The following KCNMB2 variants were observed in gnomAD, a reference collection of about 807,000 sequenced individuals.
KCNMB2 encodes the protein calcium-activated potassium channel subunit beta-2.
A neutral mutation model predicts 24.5 loss-of-function variants in KCNMB2; 9 were observed. The observed-to-expected ratio is 0.37, with a 90% CI of 0.22 to 0.64. The LOEUF (loss-of-function observed/expected upper bound fraction) is 0.64. KCNMB2 is among the 30% of genes least tolerant of loss of function. KCNMB2 has a pLI of 0.63. For missense variants in KCNMB2, 226 were observed against 284.3 expected (o/e 0.79, Z 1.47); for synonymous variants, 109 against 104.4 (o/e 1.04, Z -0.27).
intron 2 of KCNMB2, among the ~76,000 whole-genome samples, chr3:178,811,705 C>T (rs999668738): frequency 2.0e-5 from 3 of 152,150 alleles, no homozygotes; most frequent in Non-Finnish European, 4.4e-5. Context: ...CATGTATGAA[C>T]ATTTCTTAAG....
intron 1 of KCNMB2, among the ~76,000 whole-genome samples, chr3:178,778,455 GACACACACACACAC>G (rs71628070): frequency 2.0e-4 from 25 of 127,548 alleles, no homozygotes; most frequent in South Asian, 1.1e-3. Flanking sequence ...TACCCTTTAA[GACACACACACACAC>G]ACACACACAC....
At chr3:178,555,594 C>T (rs1156733976) in intron 1 of KCNMB2, among the ~76,000 whole-genome samples, 1 of 152,176 alleles carries the variant, frequency 6.6e-6, no homozygotes, top group Non-Finnish European at 1.5e-5. Context: ...TTACAAAGCC[C>T]TATTGTCATT....
In KCNMB2 at chr3:178,650,606, C is replaced by T. The variant is rs960453982; in HGVS notation, c.-68+113895C>T. ...CCAAAACCTGGCAGAGACACAACAA[C>T]AAAAAAAAATTTCAGGCCAATATCC... On this transcript the variant is annotated intron_variant, in intron 1 of 4. Coordinates refer to ENST00000452583, the MANE Select transcript of KCNMB2 (RefSeq NM_181361.3). 5.0e-4 allele frequency among the ~76,000 whole-genome samples: 75 copies of T among 151,292 alleles called. 1 individual carries two copies. The highest frequency in any genetic ancestry group is 1.8e-3 in the African/African-American group (73 of 41,170).
intron 1 of KCNMB2, among the ~76,000 whole-genome samples, chr3:178,645,425 A>G (rs189931660): frequency 1.1e-3 from 162 of 152,256 alleles, no homozygotes; most frequent in Middle Eastern, 6.8e-3. Flanking sequence ...TCCTGAGACA[A>G]TGATTCCAGT....
chr3:178,583,067 GAAACAGAAATAATGTGCTTTGAGTTC>G (rs1476022908), intron 1 of KCNMB2, among the ~76,000 whole-genome samples: 2 of 152,096 alleles, frequency 1.3e-5, no homozygotes, highest in Admixed American at 1.3e-4. Context: ...GTTATAAGAG[GAAACAGAAATAATGTGCTTTGAGTTC>G]AATATAATCT....
intron 4 of KCNMB2, among the ~76,000 whole-genome samples, chr3:178,831,957 T>C (rs1017690361): frequency 2.6e-5 from 4 of 152,214 alleles, no homozygotes; most frequent in African/African-American, 4.8e-5. Context: ...ACTTTTTTAT[T>C]CTTTTCCCAA....
intron 1 of KCNMB2, among the ~76,000 whole-genome samples, chr3:178,595,091 G>A (rs929930800): frequency 1.5e-5 from 2 of 132,528 alleles, no homozygotes; most frequent in Non-Finnish European, 3.2e-5. Context: ...ACATCAATAC[G>A]ATGAGGCTGT....
At chr3:178,571,185 T>G (rs1716765820) in intron 1 of KCNMB2, among the ~76,000 whole-genome samples, 1 of 151,992 alleles carries the variant, frequency 6.6e-6, no homozygotes, top group South Asian at 2.1e-4. Flanking sequence ...TATATACCTA[T>G]GTGGATGTGT....
At chr3:178,837,699 T>C (rs1349671746) in intron 4 of KCNMB2, among the ~76,000 whole-genome samples, 2 of 152,046 alleles carry the variant, frequency 1.3e-5, no homozygotes, top group African/African-American at 4.8e-5. Flanking sequence ...ATCAATCAAG[T>C]ATGGACCATG....
chr3:178,541,455 A>G (rs566780791), intron 1 of KCNMB2, among the ~76,000 whole-genome samples: 1 of 152,292 alleles, frequency 6.6e-6, no homozygotes, highest in African/African-American at 2.4e-5. Context: ...AGCAGTAGTA[A>G]TCAGTTAATA....
At chr3:178,809,631 A>T (rs1461175842) in intron 2 of KCNMB2, among the ~76,000 whole-genome samples, 3 of 152,250 alleles carry the variant, frequency 2.0e-5, no homozygotes, top group Non-Finnish European at 4.4e-5. Flanking sequence ...TGAACAGCCA[A>T]GCCCACAAGG....
chr3:178,806,214 C>G (rs1450250317), intron 1 of KCNMB2, among the ~76,000 whole-genome samples: 2 of 152,266 alleles, frequency 1.3e-5, no homozygotes, highest in East Asian at 3.9e-4. Flanking sequence ...ATGGGTCTAC[C>G]TCTTCTAAAT....
chr3:178,649,445 A>G (rs1720029509), intron 1 of KCNMB2, among the ~76,000 whole-genome samples: 1 of 151,710 alleles, frequency 6.6e-6, no homozygotes, highest in East Asian at 1.9e-4. Context: ...AACATCATCT[A>G]TAGAATTTTT....
chr3:178,650,588 C>A (rs1035114048), intron 1 of KCNMB2, among the ~76,000 whole-genome samples: 1 of 152,066 alleles, frequency 6.6e-6, no homozygotes, highest in Admixed American at 6.6e-5. Flanking sequence ...ATACCAAAAC[C>A]TGGCAGAGAC....
intron 1 of KCNMB2, among the ~76,000 whole-genome samples, chr3:178,782,973 G>T: frequency 6.7e-6 from 1 of 149,182 alleles, no homozygotes. Flanking sequence ...TTTGTATAAG[G>T]TGTAAGGAAG....
chr3:178,785,545 A>G (rs2108435813), intron 1 of KCNMB2, among the ~76,000 whole-genome samples: 1 of 152,150 alleles, frequency 6.6e-6, no homozygotes, highest in East Asian at 1.9e-4. Context: ...AAATTTAAAA[A>G]CCTATGAAAT....
intron 4 of KCNMB2, among the ~76,000 whole-genome samples, chr3:178,836,155 C>T (rs959428149): frequency 1.3e-5 from 2 of 152,050 alleles, no homozygotes; most frequent in African/African-American, 4.8e-5. Context: ...ACTGCCTCCT[C>T]CCTTCCCCAC....
At chr3:178,740,730 G>T (rs905146206) in intron 1 of KCNMB2, among the ~76,000 whole-genome samples, 1 of 152,178 alleles carries the variant, frequency 6.6e-6, no homozygotes, top group African/African-American at 2.4e-5. Flanking sequence ...TTCGGTGGGA[G>T]AATCTTTGGT....
chr3:178,589,309 G>C (rs998578077), intron 1 of KCNMB2, among the ~76,000 whole-genome samples: 1 of 152,126 alleles, frequency 6.6e-6, no homozygotes, highest in African/African-American at 2.4e-5. Flanking sequence ...GGTTCTGCCT[G>C]AGCTCACGTG....
Sources: gnomAD v4.1 joint callset for allele counts (sites outside exome capture counted in the v4.1 genomes callset) on GRCh38, gnomAD v4.1.1 for gene constraint, MANE v1.5 for transcripts, NCBI Gene and HGNC (gene_info 2026-07-23, HGNC 2026-07-21) for gene names.